The following ITPKC variants were observed in gnomAD, a reference collection of about 807,000 sequenced individuals.
ITPKC encodes IP3 3-kinase C.
A neutral mutation model predicts 67.1 loss-of-function variants in ITPKC; 33 were observed. The ratio of observed to expected loss-of-function variants is 0.49; its 90% confidence interval spans 0.37 to 0.66. The LOEUF (loss-of-function observed/expected upper bound fraction) is 0.66. Ranked by LOEUF, ITPKC falls within the 30% of genes least tolerant of loss-of-function variation. The pLI, the probability that ITPKC is intolerant of heterozygous loss-of-function variation, is 0.00. For missense variants in ITPKC, 820 were observed against 892.1 expected (o/e 0.92, Z 1.03); for synonymous variants, 341 against 359.8 (o/e 0.95, Z 0.59).
intron 2 of ITPKC, among the ~76,000 whole-genome samples, chr19:40,727,261 G>A (rs1458962845): frequency 1.3e-5 from 2 of 152,046 alleles, no homozygotes; most frequent in African/African-American, 4.8e-5. Flanking sequence ...GTGAACCCGG[G>A]AGGCGGAGGT....
Position 40,739,880 on chromosome 19 carries a change from A to G in ITPKC, c.*320A>G, listed in dbSNP as rs1037979132. 74 of 385,812 alleles carry G rather than the reference A, an allele frequency of 1.9e-4. No individual in the cohort carries two copies. The highest frequency in any genetic ancestry group is 3.1e-4 in the Non-Finnish European group (65 of 207,778). 23.9% of individuals were successfully genotyped at this position (385,812 alleles called of 1,614,324 possible). On this transcript the variant is annotated 3_prime_UTR_variant, in exon 7 of 7. Transcript: ENST00000263370. ...GCTGCCCTGAGAGCATTCAGTTCACATGTCACAGGGTATGGTGTGACAGGG... is the reference window on the plus strand; with the variant it reads ...GCTGCCCTGAGAGCATTCAGTTCACGTGTCACAGGGTATGGTGTGACAGGG...
intron 2 of ITPKC, among the ~76,000 whole-genome samples, chr19:40,727,297 G>A (rs1007381929): frequency 6.6e-6 from 1 of 151,692 alleles, no homozygotes; most frequent in East Asian, 2.0e-4. Context: ...TAGCACCACT[G>A]CACTCCAGCC....
chr19:40,726,939 G>A (rs545377886), intron 2 of ITPKC, among the ~76,000 whole-genome samples: 2 of 152,156 alleles, frequency 1.3e-5, no homozygotes, highest in African/African-American at 2.4e-5. Context: ...GTACTTGGGA[G>A]CTGAGGGTGG....
intron 4 of ITPKC, among the ~76,000 whole-genome samples, chr19:40,734,635 GTC>G (rs1194898620): frequency 4.0e-5 from 6 of 151,440 alleles, no homozygotes; most frequent in Non-Finnish European, 7.4e-5. Context: ...TTGAGAAAGA[GTC>G]TCGCTCTGTC....
At position 40,729,189 on chromosome 19, in the gene ITPKC, C is replaced by G. The variant is rs1225738117; in HGVS notation, c.1256-13C>G. ...CCAGTTCCTGATCCTCTCATTTATT[C>G]TACCACCTTTAGGGAACTTCCAGGC... On this transcript the variant is annotated splice_polypyrimidine_tract_variant and intron_variant, in intron 2 of 6. Coordinates refer to ENST00000263370, the MANE Select transcript of ITPKC (RefSeq NM_025194.3). 6.2e-7 allele frequency: 1 copy of G among 1,609,530 alleles called. No individual in the cohort carries two copies. The highest frequency in any genetic ancestry group is 1.7e-5 in the Admixed American group (1 of 60,000).
intron 4 of ITPKC, among the ~76,000 whole-genome samples, chr19:40,734,407 G>A (rs7248468): frequency 0.48 from 73,408 of 151,598 alleles, 18,182 homozygotes; most frequent in South Asian, 0.58. Flanking sequence ...TAAAGGCATG[G>A]GAAATTTGCG....
intron 3 of ITPKC, 121 bp downstream of exon 3, chr19:40,729,536 C>T (rs2082261294): frequency 1.2e-5 from 10 of 821,614 alleles, no homozygotes; most frequent in Non-Finnish European, 1.7e-5. Flanking sequence ...GAGGCCGAGG[C>T]TGGTGGATCA....
intron 3 of ITPKC, among the ~76,000 whole-genome samples, chr19:40,731,622 A>C (rs1037128514): frequency 2.9e-5 from 1 of 34,544 alleles, no homozygotes; most frequent in African/African-American, 1.1e-4. Context: ...TTTTTTTTTG[A>C]GAGGGAGTCT....
rs146426770 is a variant in ITPKC, at chr19:40,737,613, G to A, written c.1777-85G>A. 388 of 1,199,760 alleles carry A rather than the reference G, an allele frequency of 3.2e-4. No homozygotes were observed. The African/African-American group carries it at 5.3e-3, about 16-fold the overall frequency. The allele number at this position is 1,199,760 out of a possible 1,614,324, so 74.3% of individuals were successfully genotyped here. On this transcript the variant is annotated intron_variant, in intron 5 of 6. Coordinates refer to ENST00000263370, the MANE Select transcript of ITPKC (RefSeq NM_025194.3). ...TGGCTAGAGCCTGCCTGCTCCTTTG[G>A]GGGAATGGGGTGAGGTCAGAGCTCA... is the stretch of plus-strand genomic sequence containing the variant.
chr19:40,728,052 C>T (rs919424136), intron 2 of ITPKC, among the ~76,000 whole-genome samples: 2 of 152,142 alleles, frequency 1.3e-5, no homozygotes, highest in African/African-American at 2.4e-5. Context: ...GGGTCTGAGA[C>T]CCACTGTGAT....
intron 5 of ITPKC, 91 bp from the exon 6 acceptor site, chr19:40,737,607 C>T (rs1309578505): frequency 1.8e-6 from 2 of 1,134,716 alleles, no homozygotes; most frequent in South Asian, 1.2e-5. Flanking sequence ...CCTGCCTGCT[C>T]CTTTGGGGGA....
chr19:40,729,762 T>G (rs2082262390), intron 3 of ITPKC, among the ~76,000 whole-genome samples: 1 of 149,876 alleles, frequency 6.7e-6, no homozygotes, highest in Admixed American at 6.6e-5. Context: ...AGTGGAACCC[T>G]GTCTCAAAAA....
chr19:40,731,972 T>C (rs1228421835), intron 3 of ITPKC, among the ~76,000 whole-genome samples: 2 of 151,908 alleles, frequency 1.3e-5, no homozygotes, highest in African/African-American at 4.8e-5. Context: ...GCGCAGTGGC[T>C]CATGCCTGTA....
chr19:40,731,609 T>TG (rs1252238556), intron 3 of ITPKC, among the ~76,000 whole-genome samples: 3 of 139,988 alleles, frequency 2.1e-5, no homozygotes, highest in Admixed American at 7.1e-5. Context: ...TTTTTTTTTT[T>TG]TTTTTTTTTT....
intron 2 of ITPKC, among the ~76,000 whole-genome samples, 197 bp downstream of exon 2, chr19:40,725,636 T>G (rs1395212778): frequency 6.6e-6 from 1 of 152,160 alleles, no homozygotes; most frequent in Non-Finnish European, 1.5e-5. Context: ...GTTATTCTGG[T>G]GGAGAGAGGG....
Position 40,740,754 on chromosome 19 carries a change from G to A in ITPKC, c.*1194G>A, listed in dbSNP as rs2082326266. The A allele has an allele frequency of 2.1e-5, 8 of 387,124 alleles. No homozygotes were observed. The highest frequency in any genetic ancestry group is 3.2e-5 in the Non-Finnish European group (7 of 218,990). 24.0% of individuals were successfully genotyped at this position (387,124 alleles called of 1,614,324 possible). A position where few individuals can be genotyped will look rare whatever the true frequency, so the allele number is the denominator to read the frequency against. ...TGACCATCTTGATACTTATTTATAC[G>A]AGAGGCAGTTGCTGGACGGGGTAGT... is the stretch of plus-strand genomic sequence containing the variant. On this transcript the variant is annotated 3_prime_UTR_variant, in exon 7 of 7. Transcript: ENST00000263370.
Position 40,717,265 on chromosome 19 carries a change from C to T in ITPKC, c.130C>T (p.Pro44Ser). ...RRQPGQQRPG[P>S]GAGAPAGRPE... is the part of the protein sequence containing the mutation. ...GCAGCCGGGACAGCAGCGACCTGGG[C>T]CCGGCGCAGGGGCCCCGGCGGGGCG... Residue 44 changes from proline to serine, a missense_variant, in exon 1 of 7, where the codon CCC becomes TCC. Pro to Ser is a moderately conservative substitution (Grantham distance 74). This residue lies in a region of ITPKC where 481 missense variants were observed against 470.1 expected (regional missense o/e 1.02). Coordinates refer to ENST00000263370, the MANE Select transcript of ITPKC (RefSeq NM_025194.3). 1.4e-6 allele frequency: 2 copies of T among 1,397,650 alleles called. No homozygotes were observed. The highest frequency in any genetic ancestry group is 2.7e-5 in the East Asian group (1 of 36,984). 86.6% of individuals were successfully genotyped at this position (1,397,650 alleles called of 1,614,324 possible).
chr19:40,717,980 C>T lies in ITPKC; in HGVS notation c.845C>T (p.Thr282Ile). The change falls in exon 1 of 7, where the codon ACT (threonine) becomes ATT (isoleucine). Residue 282 changes from threonine to isoleucine, a missense_variant. Physicochemically the swap from Thr to Ile is moderately conservative, Grantham distance 89. Around this residue, in one of 2 missense-constraint regions of ITPKC, gnomAD observed 481 missense variants for 470.1 expected, o/e 1.02. Coordinates refer to ENST00000263370, the MANE Select transcript of ITPKC (RefSeq NM_025194.3). ...DTDGSWTQPS[T>I]DGSQTAPGTD... ...GATGGCTCCTGGACACAACCTAGCA[C>T]TGACGGTTCCCAGACAGCACCTGGG... The T allele has an allele frequency of 6.2e-7, 1 of 1,614,228 alleles. No individual in the cohort carries two copies. Among genetic ancestry groups the T allele is most frequent in the Non-Finnish European group, 8.5e-7 (1 of 1,180,038 alleles).
rs750967890 is a variant in ITPKC at position 40,725,448 on chromosome 19, G to A, written c.1255+9G>A. ...GCTTTCTGGACATGCTGGTAAGTGG[G>A]GTGGTGGTGGACAGAGCTGGGCAGA... On this transcript the variant is annotated intron_variant, in intron 2 of 6. Transcript: ENST00000263370. 4.4e-6 allele frequency: 7 copies of A among 1,573,482 alleles called. No homozygotes were observed. The highest frequency in any genetic ancestry group is 4.4e-6 in the Non-Finnish European group (5 of 1,142,972).
Sources: gnomAD v4.1 joint callset for allele counts (sites outside exome capture counted in the v4.1 genomes callset) on GRCh38, gnomAD v4.1.1 for gene constraint, gnomAD v4.1.1 regional missense constraint, MANE v1.5 for transcripts, NCBI Gene and HGNC (gene_info 2026-07-23, HGNC 2026-07-21) for gene names.